Variants in HS6ST3 observed in about 807,000 individuals in gnomAD.
HS6ST3 encodes heparan-sulfate 6-O-sulfotransferase 3.
A neutral mutation model predicts 36.7 loss-of-function variants in HS6ST3; 12 were observed. The ratio of observed to expected loss-of-function variants is 0.33; its 90% CI spans 0.21 to 0.53. The LOEUF (loss-of-function observed/expected upper bound fraction) is 0.53. Ranked by LOEUF, HS6ST3 falls within the 20% of genes least tolerant of loss-of-function variation. The pLI, the probability that HS6ST3 is intolerant of heterozygous loss-of-function variation, is 0.95. For missense variants in HS6ST3, 584 were observed against 640.9 expected, an observed-to-expected ratio of 0.91 and a Z score of 0.96; for synonymous variants, 240 against 257.5, an observed-to-expected ratio of 0.93 and a Z score of 0.65.
intron 1 of HS6ST3, among the ~76,000 whole-genome samples, chr13:96,202,507 G>A (rs905978771): frequency 6.6e-6 from 1 of 152,092 alleles, no homozygotes; most frequent in African/African-American, 2.4e-5. Context: ...GTGGCTTCCT[G>A]CTCACTGCCC....
chr13:96,199,386 TA>T (rs1319941506), intron 1 of HS6ST3, among the ~76,000 whole-genome samples: 2 of 152,232 alleles, frequency 1.3e-5, no homozygotes, highest in Non-Finnish European at 2.9e-5. Flanking sequence ...TACTTTACTT[TA>T]AAAAGGAGCA....
chr13:96,215,868 A>C (rs2139359923), intron 1 of HS6ST3, among the ~76,000 whole-genome samples: 1 of 152,126 alleles, frequency 6.6e-6, no homozygotes, highest in Non-Finnish European at 1.5e-5. Context: ...TAATGGGGTT[A>C]ATAAAATCTA....
chr13:96,576,979 T>A (rs2056324463), intron 1 of HS6ST3, among the ~76,000 whole-genome samples: 1 of 142,774 alleles, frequency 7.0e-6, no homozygotes. Flanking sequence ...AAAAAGTTGC[T>A]CTATTTATCT....
At chr13:96,719,134 T>C (rs1016000698) in intron 1 of HS6ST3, among the ~76,000 whole-genome samples, 1 of 151,600 alleles carries the variant, frequency 6.6e-6, no homozygotes, top group African/African-American at 2.4e-5. Context: ...ATTAGCAGGG[T>C]ATGGTGGCGG....
chr13:96,223,381 C>A (rs763074799), intron 1 of HS6ST3, among the ~76,000 whole-genome samples: 1 of 152,212 alleles, frequency 6.6e-6, no homozygotes, highest in South Asian at 2.1e-4. Context: ...GACTCTGGAA[C>A]AGGACAGCTT....
chr13:96,158,514 A>G (rs1391268282), intron 1 of HS6ST3, among the ~76,000 whole-genome samples: 3 of 151,868 alleles, frequency 2.0e-5, no homozygotes, highest in East Asian at 1.9e-4. Context: ...TTAGCCGGGC[A>G]TGGTGGTACA....
intron 1 of HS6ST3, among the ~76,000 whole-genome samples, chr13:96,729,519 C>T (rs1191996407): frequency 6.6e-5 from 10 of 152,046 alleles, no homozygotes; most frequent in African/African-American, 1.7e-4. Flanking sequence ...TGCAGTGGCC[C>T]GATCGTGGCT....
chr13:96,103,236 A>G (rs1348712016), intron 1 of HS6ST3, among the ~76,000 whole-genome samples: 1 of 152,222 alleles, frequency 6.6e-6, no homozygotes, highest in Non-Finnish European at 1.5e-5. Context: ...AAACTACCAA[A>G]TTCATGGCAA....
At chr13:96,161,201 T>C (rs2054134031) in intron 1 of HS6ST3, among the ~76,000 whole-genome samples, 1 of 152,080 alleles carries the variant, frequency 6.6e-6, no homozygotes, top group Admixed American at 6.6e-5. Context: ...TATGACCTAG[T>C]TGAGGATTCT....
intron 1 of HS6ST3, among the ~76,000 whole-genome samples, chr13:96,288,785 A>G (rs1201961695): frequency 5.3e-5 from 8 of 152,082 alleles, no homozygotes; most frequent in Non-Finnish European, 8.8e-5. Context: ...TCTTATTATT[A>G]ACAATGTTTT....
At chr13:96,127,341 AC>A (rs2053956786) in intron 1 of HS6ST3, among the ~76,000 whole-genome samples, 1 of 152,210 alleles carries the variant, frequency 6.6e-6, no homozygotes, top group African/African-American at 2.4e-5. Context: ...AAACTGCCCC[AC>A]CTCAAATCAT....
At chr13:96,110,436 G>A (rs927217303) in intron 1 of HS6ST3, among the ~76,000 whole-genome samples, 5 of 148,650 alleles carry the variant, frequency 3.4e-5, no homozygotes, top group African/African-American at 1.2e-4. Context: ...TAATTTGTGT[G>A]TGTGTGTTTT....
chr13:96,679,822 A>T (rs1032935091), intron 1 of HS6ST3, among the ~76,000 whole-genome samples: 4 of 152,110 alleles, frequency 2.6e-5, no homozygotes, highest in African/African-American at 7.2e-5. Flanking sequence ...ACATTTAAGG[A>T]TATGGTATGT....
chr13:96,431,568 C>G (rs2055615955), intron 1 of HS6ST3, among the ~76,000 whole-genome samples: 1 of 152,182 alleles, frequency 6.6e-6, no homozygotes. Flanking sequence ...TTCATTTTTA[C>G]ATAATGCCAT....
chr13:96,411,111 A>G (rs992238354), intron 1 of HS6ST3, among the ~76,000 whole-genome samples: 2 of 152,218 alleles, frequency 1.3e-5, no homozygotes, highest in Non-Finnish European at 2.9e-5. Context: ...TGTATTTAAA[A>G]TGATTTATGT....
chr13:96,371,797 T>C (rs2055291363), intron 1 of HS6ST3, among the ~76,000 whole-genome samples: 1 of 152,210 alleles, frequency 6.6e-6, no homozygotes, highest in Admixed American at 6.5e-5. Flanking sequence ...ATTCCCTTCT[T>C]AGTTTTTTAA....
At chr13:96,694,940 C>T (rs1196798430) in intron 1 of HS6ST3, among the ~76,000 whole-genome samples, 1 of 152,066 alleles carries the variant, frequency 6.6e-6, no homozygotes, top group Non-Finnish European at 1.5e-5. Context: ...ACATAGACAA[C>T]TAGAAACTCG....
intron 1 of HS6ST3, among the ~76,000 whole-genome samples, chr13:96,204,943 C>T (rs1049537276): frequency 2.0e-5 from 3 of 151,974 alleles, no homozygotes; most frequent in Non-Finnish European, 4.4e-5. Flanking sequence ...GAACCAAGAA[C>T]AAACAAACTC....
intron 1 of HS6ST3, among the ~76,000 whole-genome samples, chr13:96,767,915 G>A (rs942672333): frequency 1.8e-4 from 27 of 152,236 alleles, no homozygotes; most frequent in African/African-American, 6.3e-4. Context: ...TAAGAACCTG[G>A]GTCTTTGGAA....
Sources: allele counts gnomAD v4.1 joint callset (sites outside exome capture counted in the v4.1 genomes callset), GRCh38; gene constraint gnomAD v4.1.1; transcripts MANE v1.5; gene names NCBI Gene and HGNC (gene_info 2026-07-23, HGNC 2026-07-21).